Variants in PTPN13 observed in about 807,000 individuals in gnomAD.
PTPN13 encodes the protein tyrosine-protein phosphatase non-receptor type 13.
In PTPN13, 191 loss-of-function variants were observed where a neutral mutation model predicts 284.0. The ratio of observed to expected loss-of-function variants is 0.67; its 90% CI spans 0.60 to 0.76. The LOEUF (loss-of-function observed/expected upper bound fraction) is 0.76, where lower values mean the gene tolerates loss of function less well. Ranked by LOEUF, PTPN13 falls within the 30% of genes least tolerant of loss-of-function variation. The pLI is 0.00. For synonymous variants in PTPN13, 986 were observed against 1,022.3 expected (o/e 0.96, Z 0.68); for missense variants, 2,797 against 2,939.9 (o/e 0.95, Z 1.12).
Position 86,762,583 on chromosome 4 carries a change from A to G in PTPN13, c.3554-144A>G, listed in dbSNP as rs1738821433. On this transcript the variant is annotated intron_variant, in intron 23 of 47. Transcript: ENST00000411767. ...AGAATGACCAAAGGAGAAAGCAAAG[A>G]AAGTCTACCAAACACATGACCTAAT... The G allele has an allele frequency of 6.2e-6, 4 of 647,404 alleles. No individual in the cohort carries two copies. In the South Asian group the frequency reaches 9.2e-5, roughly 15 times the overall value. The allele number at this position is 647,404 out of a possible 1,614,324, so 40.1% of individuals were successfully genotyped here.
chr4:86,696,810 TG>T (rs1730639977), intron 6 of PTPN13, among the ~76,000 whole-genome samples: 1 of 152,050 alleles, frequency 6.6e-6, no homozygotes, highest in Non-Finnish European at 1.5e-5. Flanking sequence ...AACCAAATTT[TG>T]TTTGTGTTTC....
intron 2 of PTPN13, among the ~76,000 whole-genome samples, chr4:86,671,614 A>G (rs2050585084): frequency 6.6e-6 from 1 of 152,194 alleles, no homozygotes; most frequent in Non-Finnish European, 1.5e-5. Flanking sequence ...GCTCTTAGGC[A>G]TCTATACAGC....
chr4:86,763,051 A>G lies in PTPN13; in HGVS notation c.3878A>G (p.Lys1293Arg), dbSNP rs576721705. ...TCTGTAATATCCAAAGCCACCGAGA[A>G]AGAGACTTTCACTGATAGTAACCAA... The part of the protein sequence containing the change: ...SPSVISKATE[K>R]ETFTDSNQSK... Residue 1293 changes from lysine to arginine, a missense_variant, in exon 24 of 48, where the codon AAA becomes AGA. Transcript: ENST00000411767. 11 of 1,613,930 alleles carry G rather than the reference A, an allele frequency of 6.8e-6. No homozygotes were observed. In the East Asian group the frequency reaches 2.2e-4, roughly 33 times the overall value.
intron 1 of PTPN13, among the ~76,000 whole-genome samples, chr4:86,623,174 G>A (rs1415231795): frequency 6.6e-6 from 1 of 152,166 alleles, no homozygotes; most frequent in Non-Finnish European, 1.5e-5. Flanking sequence ...CCGGGGGTCT[G>A]CTGGTGTAAG....
At chr4:86,777,160 C>T (rs1385540495) in intron 35 of PTPN13, among the ~76,000 whole-genome samples, 1 of 152,168 alleles carries the variant, frequency 6.6e-6, no homozygotes, top group Non-Finnish European at 1.5e-5. Context: ...CTTAAAACAA[C>T]ACAAGTTTAT....
intron 17 of PTPN13, among the ~76,000 whole-genome samples, chr4:86,750,041 A>T (rs1006306323): frequency 2.0e-5 from 3 of 152,186 alleles, no homozygotes; most frequent in Non-Finnish European, 4.4e-5. Context: ...TGTATTCACC[A>T]TCTCAGCCCA....
At chr4:86,724,603 G>C (rs1734028164) in intron 10 of PTPN13, among the ~76,000 whole-genome samples, 1 of 152,134 alleles carries the variant, frequency 6.6e-6, no homozygotes, top group Non-Finnish European at 1.5e-5. Flanking sequence ...AGACTACCTA[G>C]TATTTTTTCT....
intron 1 of PTPN13, among the ~76,000 whole-genome samples, chr4:86,620,613 T>A (rs1721108448): frequency 6.6e-6 from 1 of 152,248 alleles, no homozygotes; most frequent in Non-Finnish European, 1.5e-5. Context: ...ACATCATGTC[T>A]AAATAGCCAA....
intron 46 of PTPN13, among the ~76,000 whole-genome samples, 169 bp from the exon 47 acceptor site, chr4:86,810,877 G>A (rs1745144197): frequency 6.6e-6 from 1 of 152,226 alleles, no homozygotes; most frequent in South Asian, 2.1e-4. Flanking sequence ...ACCAAGTGAT[G>A]ACAAAGTCCA....
At chr4:86,722,164 A>G in intron 9 of PTPN13, 48 bp from the exon 10 acceptor site, 1 of 1,497,878 alleles carries the variant, frequency 6.7e-7, no homozygotes. Context: ...TAGCCTTAAA[A>G]CAATTGTTTT....
chr4:86,713,397 A>G (rs910751790), intron 7 of PTPN13, among the ~76,000 whole-genome samples: 1 of 152,258 alleles, frequency 6.6e-6, no homozygotes, highest in Non-Finnish European at 1.5e-5. Flanking sequence ...GTATTCATTC[A>G]ATTTAAATTA....
At chr4:86,798,772 G>A (rs561870252) in intron 41 of PTPN13, among the ~76,000 whole-genome samples, 7 of 152,308 alleles carry the variant, frequency 4.6e-5, no homozygotes, top group African/African-American at 1.7e-4. Flanking sequence ...TGAAAAGAAG[G>A]AGAAAGAGCT....
chr4:86,751,634 GGTCACAGTTGCCATGACA>G (rs1737399532), intron 19 of PTPN13, among the ~76,000 whole-genome samples: 1 of 152,018 alleles, frequency 6.6e-6, no homozygotes. Flanking sequence ...AGCTTCTCTT[GGTCACAGTTGCCATGACA>G]GTCTTACTAA....
At chr4:86,671,677 A>G (rs1727735372) in intron 2 of PTPN13, among the ~76,000 whole-genome samples, 1 of 152,206 alleles carries the variant, frequency 6.6e-6, no homozygotes, top group Non-Finnish European at 1.5e-5. Context: ...TTGGTAGTAC[A>G]AAACAAGCTG....
chr4:86,812,816 G>A (rs1745391792), intron 47 of PTPN13, among the ~76,000 whole-genome samples: 1 of 152,120 alleles, frequency 6.6e-6, no homozygotes, highest in African/African-American at 2.4e-5. Context: ...ATGGGAGCCT[G>A]GAGTGGCAGT....
chr4:86,597,935 C>T (rs1312291482), intron 1 of PTPN13, among the ~76,000 whole-genome samples: 6 of 152,120 alleles, frequency 3.9e-5, no homozygotes, highest in Non-Finnish European at 5.9e-5. Flanking sequence ...GCCATTGAAT[C>T]CTGCTTTTTT....
Position 86,794,844 on chromosome 4 carries a change from T to C in PTPN13, c.6346-2030T>C, listed in dbSNP as rs529362718. Among the ~76,000 whole-genome samples, 4 of 152,250 alleles carry C rather than the reference T, an allele frequency of 2.6e-5. No individual in the cohort carries two copies. In the South Asian group the frequency reaches 8.3e-4, roughly 32 times the overall value. ...TAGTGCTGGGAAAACTGGCTGGCCA[T>C]ATGTAGAAAGCTGAAACTGGATCCC... On this transcript the variant is annotated intron_variant, in intron 40 of 47. Coordinates refer to ENST00000411767, the MANE Select transcript of PTPN13 (RefSeq NM_080683.3).
At chr4:86,624,156 T>G (rs1721572121) in intron 1 of PTPN13, among the ~76,000 whole-genome samples, 1 of 152,194 alleles carries the variant, frequency 6.6e-6, no homozygotes, top group Non-Finnish European at 1.5e-5. Context: ...TTACAATTTA[T>G]TTGACTCTCT....
At chr4:86,682,143 TG>T (rs1412486303) in intron 3 of PTPN13, among the ~76,000 whole-genome samples, 1 of 152,154 alleles carries the variant, frequency 6.6e-6, no homozygotes, top group African/African-American at 2.4e-5. Context: ...TCAGAAAAAA[TG>T]TTGACTAAAT....
Sources: allele counts gnomAD v4.1 joint callset (sites outside exome capture counted in the v4.1 genomes callset), GRCh38; gene constraint gnomAD v4.1.1; transcripts MANE v1.5; gene names NCBI Gene and HGNC (gene_info 2026-07-23, HGNC 2026-07-21).